The following SERP2 variants were observed in gnomAD, a reference collection of about 807,000 sequenced individuals.
SERP2 encodes stress associated endoplasmic reticulum protein family member 2.
In SERP2, 6 loss-of-function variants were observed where a neutral mutation model predicts 9.1. The ratio of observed to expected loss-of-function variants is 0.66; its 90% CI spans 0.36 to 1.30. SERP2 has a LOEUF of 1.30. Ranked by LOEUF, SERP2 falls within the 50% of genes most tolerant of loss-of-function variation. The pLI is 0.03. For missense variants in SERP2, 58 were observed against 81.9 expected (o/e 0.71, Z 1.13); for synonymous variants, 37 against 27.3 (o/e 1.35, Z -1.10).
intron 2 of SERP2, among the ~76,000 whole-genome samples, chr13:44,383,546 T>TTG (rs1872130851): frequency 8.9e-6 from 1 of 112,302 alleles, no homozygotes; most frequent in African/African-American, 2.9e-5. Context: ...AGGTTTGCGT[T>TTG]TTTTTTGTTT....
At chr13:44,393,533 C>G (rs1872905021) in intron 2 of SERP2, among the ~76,000 whole-genome samples, 1 of 152,318 alleles carries the variant, frequency 6.6e-6, no homozygotes, top group South Asian at 2.1e-4. Context: ...CCCTGATCGC[C>G]TGCCCTGGAA....
chr13:44,386,625 C>A (rs577901905), intron 2 of SERP2, among the ~76,000 whole-genome samples: 1 of 152,346 alleles, frequency 6.6e-6, no homozygotes, highest in African/African-American at 2.4e-5. Context: ...CTCAAGTGAT[C>A]GGCCCTCCTC....
intron 2 of SERP2, among the ~76,000 whole-genome samples, chr13:44,389,759 T>A (rs1398197579): frequency 6.6e-6 from 1 of 152,082 alleles, no homozygotes; most frequent in Non-Finnish European, 1.5e-5. Context: ...AGCTAGAACC[T>A]CTCTAAGTCT....
chr13:44,379,645 C>T lies in SERP2; in HGVS notation c.89C>T (p.Pro30Leu), dbSNP rs368370556. 11 of 1,611,298 alleles carry T rather than the reference C, an allele frequency of 6.8e-6. No individual in the cohort carries two copies. Among genetic ancestry groups the T allele is most frequent in the Middle Eastern group, 1.7e-4 (1 of 6,044 alleles). Residue 30 changes from proline (P) to leucine (L), a missense_variant, in exon 2 of 3, where the codon CCG (proline) becomes CTG (leucine). Coordinates refer to ENST00000379179, the MANE Select transcript of SERP2 (RefSeq NM_001010897.3). ...CTTTTTCCCATTCCCTTTTAGAGGC[C>T]GCAAGAGGAGAAATATCCTGTGGGA... is the stretch of plus-strand genomic sequence containing the variant. ...QRGNVAKTLRPQEEKYPVGPW... is the reference protein window; with the variant it reads ...QRGNVAKTLRLQEEKYPVGPW...
At chr13:44,379,844 T>C (rs972107989) in intron 2 of SERP2, 131 bp downstream of exon 2, 6 of 614,396 alleles carry the variant, frequency 9.8e-6, no homozygotes, top group Admixed American at 9.2e-5. Flanking sequence ...CCTTAAGCCT[T>C]AATCTTAATG....
intron 2 of SERP2, among the ~76,000 whole-genome samples, chr13:44,391,578 G>A (rs1014162171): frequency 2.6e-5 from 4 of 152,174 alleles, no homozygotes; most frequent in Non-Finnish European, 5.9e-5. Flanking sequence ...GTAAAGGAGA[G>A]GCACATGGGG....
Position 44,385,952 on chromosome 13 carries a change from C to G in SERP2, c.157+6239C>G, listed in dbSNP as rs528154010. ...TGTGGGGTGCTTCAACTCCCACATGCCTTTCATCCTTCCCGGCTGCATGTT... is the reference window on the plus strand; with the variant it reads ...TGTGGGGTGCTTCAACTCCCACATGGCTTTCATCCTTCCCGGCTGCATGTT... On this transcript the variant is annotated intron_variant, in intron 2 of 2. Transcript: ENST00000379179. 7.2e-5 allele frequency among the ~76,000 whole-genome samples: 11 copies of G among 152,290 alleles called. No homozygotes were observed. The South Asian group carries it at 2.3e-3, about 32-fold the overall frequency.
At chr13:44,394,594 G>T (rs1035412464) in intron 2 of SERP2, among the ~76,000 whole-genome samples, 6 of 152,220 alleles carry the variant, frequency 3.9e-5, no homozygotes, top group African/African-American at 1.4e-4. Context: ...ATAAGTTTTT[G>T]TCTAAGGGCA....
intron 2 of SERP2, among the ~76,000 whole-genome samples, chr13:44,389,477 G>A (rs773553171): frequency 7.9e-5 from 12 of 152,184 alleles, no homozygotes; most frequent in Admixed American, 2.0e-4. Flanking sequence ...TGCTGTTCTT[G>A]TAATTATGTT....
At position 44,397,272 on chromosome 13, in the gene SERP2, C is replaced by G. The variant is rs758303272; in HGVS notation, c.158C>G (p.Ala53Gly). The change falls in exon 3 of 3, where the codon GCT (alanine) becomes GGT (glycine). Residue 53 changes from alanine to glycine, a missense_variant and splice_region_variant. Transcript: ENST00000379179. ...ALFVFVVCGS[A>G]IFQIIQSIRM... ...AGCTGTGGTGTTTTCCTCTTTTCAG[C>G]TATCTTTCAGATCATTCAGAGCATA... 3 of 1,613,704 alleles carry G rather than the reference C, an allele frequency of 1.9e-6. No homozygotes were observed. The highest frequency in any genetic ancestry group is 1.7e-6 in the Non-Finnish European group (2 of 1,179,628).
intron 1 of SERP2, 96 bp downstream of exon 1, chr13:44,374,205 C>T (rs1175694821): frequency 1.2e-6 from 1 of 803,840 alleles, no homozygotes; most frequent in Non-Finnish European, 1.8e-6. Flanking sequence ...GGCGCAGGGT[C>T]CGGCCTCCCG....
At chr13:44,392,171 C>G (rs1216866597) in intron 2 of SERP2, among the ~76,000 whole-genome samples, 1 of 104,738 alleles carries the variant, frequency 9.5e-6, no homozygotes, top group African/African-American at 3.8e-5. Flanking sequence ...GCTCTCTAGG[C>G]TGGTGACAGA....
rs1555719 is a variant in SERP2 at position 44,393,647 on chromosome 13, C to A, written c.158-3625C>A. Among the ~76,000 whole-genome samples, 80 of 152,276 alleles carry A rather than the reference C, an allele frequency of 5.3e-4. 2 individuals are homozygous for A. In the South Asian group the frequency reaches 0.016, roughly 31 times the overall value. ...TCTGCTGTTTTCTCAGCTTTGTTCACCCACTGTTAAGTTATTAACTTGTCA... is the reference window on the plus strand; with the variant it reads ...TCTGCTGTTTTCTCAGCTTTGTTCAACCACTGTTAAGTTATTAACTTGTCA... On this transcript the variant is annotated intron_variant, in intron 2 of 2. Coordinates refer to ENST00000379179, the MANE Select transcript of SERP2 (RefSeq NM_001010897.3).
chr13:44,374,300 C>T (rs1355220867), intron 1 of SERP2, among the ~76,000 whole-genome samples, 191 bp downstream of exon 1: 1 of 152,120 alleles, frequency 6.6e-6, no homozygotes, highest in African/African-American at 2.4e-5. Context: ...TTGGCGTCCT[C>T]GTGGGCGGAG....
chr13:44,376,906 C>T (rs982834327), intron 1 of SERP2, among the ~76,000 whole-genome samples: 1 of 152,136 alleles, frequency 6.6e-6, no homozygotes, highest in African/African-American at 2.4e-5. Context: ...ACAGGGAAAG[C>T]CATTCCCTGA....
Position 44,383,609 on chromosome 13 carries a change from G to A in SERP2, c.157+3896G>A, listed in dbSNP as rs983177410. Among the ~76,000 whole-genome samples the A allele has an allele frequency of 4.1e-5, 6 of 147,782 alleles. No homozygotes were observed. In the South Asian group the frequency reaches 6.4e-4, roughly 16 times the overall value. On this transcript the variant is annotated intron_variant, in intron 2 of 2. Coordinates refer to ENST00000379179, the MANE Select transcript of SERP2 (RefSeq NM_001010897.3). ...TATTGACAGGCTGGAGTGCAGTGGC[G>A]CAATCTCGGCCCACGGCAACCTCCA...
At chr13:44,373,725 G>A (rs1354400472), upstream of SERP2, 1 of 358,908 alleles carries the variant, frequency 2.8e-6, no homozygotes, top group Non-Finnish European at 5.0e-6. The surrounding 1 kb of genome is among the most constrained non-coding windows in gnomAD (Gnocchi z 4.8). Flanking sequence ...GCGGGAGGAC[G>A]TGCGGTCGCG....
At chr13:44,396,074 A>G (rs1234960059) in intron 2 of SERP2, 2 of 234,152 alleles carry the variant, frequency 8.5e-6, no homozygotes, top group African/African-American at 2.3e-5. Flanking sequence ...GGTATCTCCA[A>G]TTTAGAAAGG....
chr13:44,389,631 G>A (rs999483215), intron 2 of SERP2, among the ~76,000 whole-genome samples: 3 of 152,110 alleles, frequency 2.0e-5, no homozygotes, highest in African/African-American at 7.2e-5. Flanking sequence ...TTTGTAGTGG[G>A]TGAGCATAGC....
Sources: gnomAD v4.1 joint callset for allele counts (sites outside exome capture counted in the v4.1 genomes callset) on GRCh38, gnomAD v4.1.1 for gene constraint, Gnocchi (gnomAD v3.1) non-coding constraint, MANE v1.5 for transcripts, NCBI Gene and HGNC (gene_info 2026-07-23, HGNC 2026-07-21) for gene names.